Variants in DOP1B observed in about 807,000 individuals in gnomAD.
DOP1B encodes the protein DOP1 leucine zipper like protein B.
Under a neutral mutation model 233.5 loss-of-function variants are expected in DOP1B, and 174 were observed. The ratio of observed to expected loss-of-function variants is 0.75; its 90% confidence interval spans 0.66 to 0.85. The LOEUF (loss-of-function observed/expected upper bound fraction) is 0.85. DOP1B is among the 40% of genes least tolerant of loss of function. The pLI is 0.00. For missense variants in DOP1B, 2,652 were observed against 2,846.6 expected, an observed-to-expected ratio of 0.93 and a Z score of 1.56; for synonymous variants, 1,190 against 1,185.6, an observed-to-expected ratio of 1.00 and a Z score of -0.08.
In DOP1B at chr21:36,245,075, A is replaced by G. The variant is rs776735459; in HGVS notation, c.3095A>G (p.Lys1032Arg). 6.3e-7 allele frequency: 1 copy of G among 1,599,484 alleles called. No individual in the cohort carries two copies. Among genetic ancestry groups the G allele is most frequent in the Non-Finnish European group, 8.6e-7 (1 of 1,168,086 alleles). ...ADDLHRWFNRKKTSFREACAV... is the reference protein window; with the variant it reads ...ADDLHRWFNRRKTSFREACAV... ...GACTTGCACCGTTGGTTTAACAGGA[A>G]GAAAACCTCTTTCAGAGAGGCATGC... is the stretch of plus-strand genomic sequence containing the variant. Residue 1032 changes from lysine to arginine, a missense_variant, in exon 19 of 37, where the codon AAG becomes AGG. Around this residue, in one of 3 missense-constraint regions of DOP1B, gnomAD observed 2,617 missense variants for 2,794.3 expected, o/e 0.94. Transcript: ENST00000691173. This position sits in a 1 kb window ranked among gnomAD's most constrained non-coding sequence, Gnocchi z 5.5.
rs1326682238 is a variant in DOP1B at position 36,199,154 on chromosome 21, C to T, written c.223C>T (p.Leu75=). 1 of 1,614,198 alleles carries T rather than the reference C, an allele frequency of 6.2e-7. No individual in the cohort carries two copies. The highest frequency in any genetic ancestry group is 1.7e-5 in the Admixed American group (1 of 60,012). The change falls in exon 3 of 37, where the codon CTG becomes TTG. Residue 75 remains leucine (L), a synonymous_variant. Transcript: ENST00000691173. ...ATTAGCTCAGTGTTTGCACCCTGCCCTGCCCAGTGGTGTCCACTTAAAAGC... is the reference window on the plus strand; with the variant it reads ...ATTAGCTCAGTGTTTGCACCCTGCCTTGCCCAGTGGTGTCCACTTAAAAGC... ...KRLAQCLHPA[L]PSGVHLKALE...
At chr21:36,214,279 C>T (rs1353101150) in intron 8 of DOP1B, 89 bp downstream of exon 8, 1 of 1,296,780 alleles carries the variant, frequency 7.7e-7, no homozygotes. Context: ...AGGCAGTGAG[C>T]ACGTTCCTTG....
chr21:36,244,007 AT>A (rs1469272036), intron 18 of DOP1B, among the ~76,000 whole-genome samples: 1 of 95,798 alleles, frequency 1.0e-5, no homozygotes, highest in Non-Finnish European at 2.1e-5. Flanking sequence ...ACCTGGCCTG[AT>A]TTTTCCTTTC....
intron 35 of DOP1B, among the ~76,000 whole-genome samples, chr21:36,290,860 C>A (rs2067548362): frequency 6.6e-6 from 1 of 151,426 alleles, no homozygotes; most frequent in Admixed American, 6.6e-5. Context: ...ATCCCAGCTA[C>A]TTCGGAAGCT....
chr21:36,194,666 T>C (rs2066269070), intron 2 of DOP1B, among the ~76,000 whole-genome samples: 3 of 151,936 alleles, frequency 2.0e-5, no homozygotes, highest in Admixed American at 2.0e-4. Context: ...TTTGTATTTT[T>C]AGTAGAGACA....
intron 1 of DOP1B, chr21:36,164,388 G>A (rs112231256): frequency 3.4e-4 from 55 of 163,120 alleles, no homozygotes; most frequent in Non-Finnish European, 2.1e-4. Context: ...TAAAATTACC[G>A]GCTGGCAACA....
intron 1 of DOP1B, among the ~76,000 whole-genome samples, chr21:36,161,050 C>T (rs2065864443): frequency 6.6e-6 from 1 of 152,038 alleles, no homozygotes; most frequent in South Asian, 2.1e-4. Flanking sequence ...AATAATCCAA[C>T]AGGTAAAGGG....
rs904530740 is a variant in DOP1B at position 36,245,916 on chromosome 21, G to A, written c.3936G>A (p.Leu1312=). 5.6e-6 allele frequency: 9 copies of A among 1,613,676 alleles called. No homozygotes were observed. In the African/African-American group the frequency reaches 6.7e-5, roughly 12 times the overall value. Residue 1312 remains leucine (L), a synonymous_variant, in exon 19 of 37, where the codon CTG becomes CTA. Transcript: ENST00000691173. The surrounding 1 kb of genome is among the most constrained non-coding windows in gnomAD (Gnocchi z 5.5). ...ACGTGTGCCCCCACTCTCTGCTCCT[G>A]GAGCTGCTCACCTACCTCTGCCTGA... ...VPNVCPHSLL[L]ELLTYLCLSF...
chr21:36,169,362 C>T (rs753224211), intron 2 of DOP1B: 14 of 800,610 alleles, frequency 1.7e-5, no homozygotes, highest in Non-Finnish European at 2.7e-5. Context: ...TGGTGATGGT[C>T]GCCTTTCTGC....
chr21:36,264,361 G>A (rs1459794677), intron 26 of DOP1B, among the ~76,000 whole-genome samples: 1 of 152,146 alleles, frequency 6.6e-6, no homozygotes, highest in Admixed American at 6.6e-5. Flanking sequence ...GTAGTGAGCT[G>A]TGATCACACC....
intron 24 of DOP1B, chr21:36,262,063 C>T: frequency 1.3e-6 from 1 of 791,030 alleles, no homozygotes; most frequent in Non-Finnish European, 1.5e-6. Context: ...CATAGTTATT[C>T]CCACTCACCA....
intron 5 of DOP1B, among the ~76,000 whole-genome samples, chr21:36,209,808 C>A (rs771156323): frequency 6.6e-6 from 1 of 152,204 alleles, no homozygotes; most frequent in Non-Finnish European, 1.5e-5. Flanking sequence ...GTCTTGCTGT[C>A]TTTCGCCACC....
At chr21:36,189,066 G>A (rs938982224) in intron 2 of DOP1B, among the ~76,000 whole-genome samples, 2 of 152,054 alleles carry the variant, frequency 1.3e-5, no homozygotes, top group African/African-American at 4.8e-5. Context: ...TTTTCATCGT[G>A]TTCCCTACAC....
chr21:36,284,265 C>CTTT lies in DOP1B; in HGVS notation c.6160+2675_6160+2677dup, dbSNP rs71326667. 9.5e-3 allele frequency among the ~76,000 whole-genome samples: 721 copies of CTTT among 75,864 alleles called. 50 individuals are homozygous for CTTT. Among genetic ancestry groups the CTTT allele is most frequent in the African/African-American group, 0.021 (358 of 17,132 alleles). 49.8% of individuals were successfully genotyped at this position (75,864 alleles called of 152,430 possible). ...GTGGCCAACCACCTGTTCCTTCTTT[C>CTTT]TTTTTTTTTTTTTTTTTTTTTTTGA... is the stretch of plus-strand genomic sequence containing the variant. On this transcript the variant is annotated intron_variant, in intron 32 of 36. Transcript: ENST00000691173.
intron 14 of DOP1B, 145 bp downstream of exon 14, chr21:36,231,279 T>A (rs2066762144): frequency 9.3e-7 from 1 of 1,074,464 alleles, no homozygotes; most frequent in Non-Finnish European, 1.3e-6. Flanking sequence ...ATATTTGCCT[T>A]ACACTTACCG....
At position 36,241,373 on chromosome 21, in the gene DOP1B, G is replaced by C. The variant is rs984590455; in HGVS notation, c.3067+1418G>C. Among the ~76,000 whole-genome samples the C allele has an allele frequency of 2.0e-5, 3 of 151,934 alleles. No individual in the cohort carries two copies. In the East Asian group the frequency reaches 5.8e-4, roughly 29 times the overall value. On this transcript the variant is annotated intron_variant, in intron 18 of 36. Coordinates refer to ENST00000691173, the MANE Select transcript of DOP1B (RefSeq NM_001320714.2). The stretch of plus-strand genomic sequence containing the variant: ...TCAAAGACAGTTATAAGCTAACGCT[G>C]TTCGAGAAGTTGAAACCAAAGGAAT...
intron 12 of DOP1B, 79 bp from the exon 13 acceptor site, chr21:36,227,607 T>C: frequency 1.6e-6 from 2 of 1,240,344 alleles, no homozygotes; most frequent in East Asian, 5.0e-5. Context: ...AAAAATTGAA[T>C]TAGATGCCAT....
intron 10 of DOP1B, among the ~76,000 whole-genome samples, chr21:36,221,925 G>A (rs546553395): frequency 1.1e-4 from 16 of 152,264 alleles, no homozygotes; most frequent in South Asian, 8.3e-4. Flanking sequence ...AGCCTGGGGT[G>A]CGGTGGCGCC....
rs1439874092 is a variant in DOP1B at position 36,230,650 on chromosome 21, C to T, written c.1866C>T (p.Ser622=). 3 of 1,614,170 alleles carry T rather than the reference C, an allele frequency of 1.9e-6. No homozygotes were observed. The highest frequency in any genetic ancestry group is 1.7e-5 in the Admixed American group (1 of 60,004). The part of the protein sequence containing the change: ...ERDDVWKKGG[S]MQRTFLCIQE... ...ACGACGTTTGGAAGAAGGGCGGGAG[C>T]ATGCAGAGGACGTTTCTTTGCATCC... Residue 622 remains serine (S), a synonymous_variant, in exon 14 of 37, where the codon AGC becomes AGT. Coordinates refer to ENST00000691173, the MANE Select transcript of DOP1B (RefSeq NM_001320714.2).
Sources: gnomAD v4.1 joint callset for allele counts (sites outside exome capture counted in the v4.1 genomes callset) on GRCh38, gnomAD v4.1.1 for gene constraint, gnomAD v4.1.1 regional missense constraint, Gnocchi (gnomAD v3.1) non-coding constraint, MANE v1.5 for transcripts, NCBI Gene and HGNC (gene_info 2026-07-23, HGNC 2026-07-21) for gene names.